The following WIPF1 variants were observed in gnomAD, a reference collection of about 807,000 sequenced individuals.
WIPF1 encodes WAS/WASL interacting protein family member 1.
Under a neutral mutation model 35.4 loss-of-function variants are expected in WIPF1, and 13 were observed. That is an observed-to-expected ratio of 0.37 (90% confidence interval 0.24 to 0.58). WIPF1 has a LOEUF of 0.58. Among genes scored for constraint, WIPF1 ranks in the 20% least tolerant of loss-of-function variants. WIPF1 has a pLI of 0.74. For missense variants in WIPF1, 591 were observed against 667.0 expected (o/e 0.89, Z 1.25); for synonymous variants, 267 against 266.3 (o/e 1.00, Z -0.02).
chr2:174,680,167 G>GT (rs1056506126), intron 1 of WIPF1, among the ~76,000 whole-genome samples: 1 of 152,224 alleles, frequency 6.6e-6, no homozygotes, highest in African/African-American at 2.4e-5. Flanking sequence ...CTACCAGAAA[G>GT]TAAGCATTCA....
At chr2:174,672,867 C>G (rs1161340103) in intron 1 of WIPF1, among the ~76,000 whole-genome samples, 2 of 152,208 alleles carry the variant, frequency 1.3e-5, no homozygotes, top group Non-Finnish European at 2.9e-5. Context: ...TTCATGTTAC[C>G]TTTCTGCCTT....
chr2:174,652,918 G>A (rs1480270200), intron 1 of WIPF1, among the ~76,000 whole-genome samples: 1 of 151,840 alleles, frequency 6.6e-6, no homozygotes, highest in Non-Finnish European at 1.5e-5. Flanking sequence ...CCCTAGTTCT[G>A]TTGGTCTGTT....
chr2:174,623,648 T>C (rs529917975), intron 1 of WIPF1: 6 of 152,322 alleles, frequency 3.9e-5, no homozygotes, highest in African/African-American at 1.4e-4. Flanking sequence ...TTGCATTTCT[T>C]TGATTATGAA....
intron 1 of WIPF1, among the ~76,000 whole-genome samples, chr2:174,668,840 T>C (rs1307472514): frequency 6.6e-6 from 1 of 152,196 alleles, no homozygotes; most frequent in Non-Finnish European, 1.5e-5. Flanking sequence ...TCTAGGTCCT[T>C]TAAACTGAAT....
chr2:174,578,616 CTTATT>C (rs1345923326), intron 3 of WIPF1, among the ~76,000 whole-genome samples: 6 of 152,128 alleles, frequency 3.9e-5, no homozygotes, highest in Admixed American at 1.3e-4. Context: ...CTTTGAATCT[CTTATT>C]TTATCTGCTT....
chr2:174,680,069 C>T (rs939315057), intron 1 of WIPF1, among the ~76,000 whole-genome samples: 12 of 152,202 alleles, frequency 7.9e-5, no homozygotes, highest in South Asian at 2.1e-4. Flanking sequence ...CCTCTGAATT[C>T]CCTGTTCCCT....
intron 1 of WIPF1, among the ~76,000 whole-genome samples, chr2:174,659,985 T>C (rs886472992): frequency 6.6e-6 from 1 of 152,162 alleles, no homozygotes; most frequent in African/African-American, 2.4e-5. Context: ...CTCTCACCAG[T>C]ACCTGGATGT....
chr2:174,575,005 A>C, intron 4 of WIPF1, 199 bp downstream of exon 4: 1 of 836,334 alleles, frequency 1.2e-6, no homozygotes, highest in Admixed American at 1.8e-5. Context: ...TGAAAATTTC[A>C]TAGTTCTGTG....
In WIPF1 at chr2:174,562,520, G is replaced by C; in HGVS notation, c.*27C>G. ...AGATAGCAACAGAAGCAGCTCTTGA[G>C]CTTGGGTAGAGAAGAGCAGGCAAAG... On this transcript the variant is annotated 3_prime_UTR_variant, in exon 8 of 8. Coordinates refer to ENST00000679041, the MANE Select transcript of WIPF1 (RefSeq NM_001375834.1). 6.2e-7 allele frequency: 1 copy of C among 1,614,184 alleles called. No homozygotes were observed. Among genetic ancestry groups the C allele is most frequent in the Non-Finnish European group, 8.5e-7 (1 of 1,180,014 alleles).
In WIPF1 at chr2:174,622,035, G is replaced by A. The variant is rs1686692263; in HGVS notation, c.-38-36424C>T. On this transcript the variant is annotated intron_variant, in intron 1 of 8. Transcript: ENST00000272746. The surrounding 1 kb of genome is among the most constrained non-coding windows in gnomAD (Gnocchi z 5.1). ...CCCTTCTCAGAGGGAGTGCAAAGGGGCAGTGTTACATGCTGTTGGAAGTTT... is the reference window on the plus strand; with the variant it reads ...CCCTTCTCAGAGGGAGTGCAAAGGGACAGTGTTACATGCTGTTGGAAGTTT... Among the ~76,000 whole-genome samples, 1 of 152,180 alleles carries A rather than the reference G, an allele frequency of 6.6e-6. No individual in the cohort carries two copies. The highest frequency in any genetic ancestry group is 6.5e-5 in the Admixed American group (1 of 15,280).
chr2:174,668,321 C>T (rs925721396), intron 1 of WIPF1, among the ~76,000 whole-genome samples: 1 of 152,206 alleles, frequency 6.6e-6, no homozygotes, highest in Non-Finnish European at 1.5e-5. Context: ...TGTCTCTTTA[C>T]CTGCGAAACG....
chr2:174,569,462 A>G (rs145615771), intron 5 of WIPF1, among the ~76,000 whole-genome samples: 4 of 152,288 alleles, frequency 2.6e-5, no homozygotes, highest in Non-Finnish European at 4.4e-5. Context: ...AACTGTCACT[A>G]CATGCAAACT....
Position 174,631,515 on chromosome 2 carries a change from T to A in WIPF1, c.-38-45904A>T, listed in dbSNP as rs1687019692. ...GGGTTTAAGTTTCAGTTTTGCAAAA[T>A]AAAGAGTTCTGGAGATTGGTTGCAC... is the stretch of plus-strand genomic sequence containing the variant. On this transcript the variant is annotated intron_variant, in intron 1 of 8. Coordinates refer to the WIPF1 transcript ENST00000272746. 2.0e-5 allele frequency among the ~76,000 whole-genome samples: 3 copies of A among 152,124 alleles called. No homozygotes were observed. The South Asian group carries it at 6.2e-4, about 31-fold the overall frequency.
chr2:174,649,602 A>C (rs1687489927), intron 1 of WIPF1, among the ~76,000 whole-genome samples: 1 of 152,042 alleles, frequency 6.6e-6, no homozygotes, highest in Admixed American at 6.6e-5. Context: ...CTCTGGCCTA[A>C]ATGTTCCCCT....
At chr2:174,659,010 C>A (rs1687703711) in intron 1 of WIPF1, among the ~76,000 whole-genome samples, 1 of 152,022 alleles carries the variant, frequency 6.6e-6, no homozygotes, top group Non-Finnish European at 1.5e-5. Context: ...ATCTACTGTA[C>A]ACAGACATTT....
chr2:174,583,671 C>T (rs553547167), intron 2 of WIPF1, among the ~76,000 whole-genome samples: 15 of 152,312 alleles, frequency 9.8e-5, no homozygotes, highest in African/African-American at 3.6e-4. Context: ...TTGTCATCTT[C>T]TCATACCACC....
At chr2:174,635,794 A>G (rs1687171125) in intron 1 of WIPF1, among the ~76,000 whole-genome samples, 2 of 152,162 alleles carry the variant, frequency 1.3e-5, no homozygotes. Flanking sequence ...CTGTAGACAT[A>G]TTCCAAGTCT....
intron 4 of WIPF1, among the ~76,000 whole-genome samples, chr2:174,573,072 T>C (rs980717079): frequency 2.0e-5 from 3 of 152,196 alleles, no homozygotes; most frequent in Non-Finnish European, 2.9e-5. Flanking sequence ...TTGACACCAG[T>C]GGATGGAATT....
At chr2:174,680,893 T>G (rs750989148) in intron 1 of WIPF1, among the ~76,000 whole-genome samples, 1 of 152,160 alleles carries the variant, frequency 6.6e-6, no homozygotes, top group Non-Finnish European at 1.5e-5. Flanking sequence ...GCAGTGGATG[T>G]AGAGCAAAGA....
Sources: allele counts gnomAD v4.1 joint callset (sites outside exome capture counted in the v4.1 genomes callset), GRCh38; gene constraint gnomAD v4.1.1; non-coding constraint Gnocchi (gnomAD v3.1); transcripts MANE v1.5; gene names NCBI Gene and HGNC (gene_info 2026-07-23, HGNC 2026-07-21).